The following GABBR2 variants were observed in gnomAD, a reference collection of about 807,000 sequenced individuals.
GABBR2 encodes gamma-aminobutyric acid type B receptor subunit 2.
GABBR2 carries 23 observed loss-of-function variants against 105.6 expected under a neutral mutation model. The observed-to-expected ratio is 0.22, with a 90% CI of 0.16 to 0.31. The LOEUF (loss-of-function observed/expected upper bound fraction) is 0.31, where lower values mean the gene tolerates loss of function less well. GABBR2 is among the 10% of genes least tolerant of loss of function. GABBR2 has a pLI of 1.00. For missense variants in GABBR2, 734 were observed against 1,245.5 expected (o/e 0.59, Z 6.18); for synonymous variants, 478 against 499.7 (o/e 0.96, Z 0.58).
intron 13 of GABBR2, among the ~76,000 whole-genome samples, chr9:98,339,129 A>G (rs1831165664): frequency 6.6e-6 from 1 of 152,150 alleles, no homozygotes; most frequent in Non-Finnish European, 1.5e-5. Flanking sequence ...GGAAGGGAAA[A>G]AGAAGGGGTG....
At chr9:98,357,698 C>T (rs952018146) in intron 13 of GABBR2, among the ~76,000 whole-genome samples, 2 of 147,384 alleles carry the variant, frequency 1.4e-5, no homozygotes. Context: ...AAAAACCCCA[C>T]ATCATAGTTT....
intron 4 of GABBR2, among the ~76,000 whole-genome samples, chr9:98,487,645 G>A (rs1049860226): frequency 2.6e-5 from 4 of 151,890 alleles, no homozygotes; most frequent in Non-Finnish European, 4.4e-5. Flanking sequence ...GAGTATGGTG[G>A]TGCATGCCTG....
chr9:98,456,106 C>T (rs1826321572), intron 6 of GABBR2, among the ~76,000 whole-genome samples: 1 of 152,126 alleles, frequency 6.6e-6, no homozygotes, highest in African/African-American at 2.4e-5. Context: ...CATTCCTCCA[C>T]CCGCCCACAC....
chr9:98,396,270 C>T (rs1832288788), intron 8 of GABBR2, among the ~76,000 whole-genome samples: 1 of 152,232 alleles, frequency 6.6e-6, no homozygotes, highest in Non-Finnish European at 1.5e-5. Context: ...TCCAGAGCTG[C>T]AGACCCTGGC....
chr9:98,447,819 G>T lies in GABBR2; in HGVS notation c.1236+6162C>A, dbSNP rs1588166424. Among the ~76,000 whole-genome samples, 5 of 151,778 alleles carry T rather than the reference G, an allele frequency of 3.3e-5. No homozygotes were observed. The South Asian group carries it at 1.0e-3, about 32-fold the overall frequency. On this transcript the variant is annotated intron_variant, in intron 7 of 18. Coordinates refer to ENST00000259455, the MANE Select transcript of GABBR2 (RefSeq NM_005458.8). The stretch of plus-strand genomic sequence containing the variant: ...AGGTAAAAAGTTGGTAGGGTGGGTG[G>T]TGGGGTGGTGACTTGTCTAGGGGGT...
At chr9:98,645,198 C>G (rs534623946) in intron 1 of GABBR2, among the ~76,000 whole-genome samples, 2 of 152,294 alleles carry the variant, frequency 1.3e-5, no homozygotes, top group South Asian at 2.1e-4. Context: ...CCTCACCAGA[C>G]TCAGGCAAGC....
intron 1 of GABBR2, among the ~76,000 whole-genome samples, chr9:98,665,643 G>C (rs995011217): frequency 6.6e-6 from 1 of 152,154 alleles, no homozygotes; most frequent in African/African-American, 2.4e-5. Flanking sequence ...TAGGGTTCTG[G>C]AGCAAGGCCA....
chr9:98,466,479 T>A (rs977471019), intron 6 of GABBR2, among the ~76,000 whole-genome samples: 1 of 152,228 alleles, frequency 6.6e-6, no homozygotes. Context: ...AATCCTTCCA[T>A]TGCTCCTCAT....
At chr9:98,678,018 G>T (rs76736582) in intron 1 of GABBR2, among the ~76,000 whole-genome samples, 1 of 152,048 alleles carries the variant, frequency 6.6e-6, no homozygotes, top group Non-Finnish European at 1.5e-5. Flanking sequence ...TGCATTGTCT[G>T]TCTCCTTTAT....
At chr9:98,613,724 G>A (rs1829541540) in intron 1 of GABBR2, among the ~76,000 whole-genome samples, 1 of 152,320 alleles carries the variant, frequency 6.6e-6, no homozygotes, top group East Asian at 1.9e-4. Flanking sequence ...AAAAGTGAGA[G>A]GAAAACAGAG....
At chr9:98,341,470 C>T (rs1831212537) in intron 13 of GABBR2, among the ~76,000 whole-genome samples, 1 of 152,184 alleles carries the variant, frequency 6.6e-6, no homozygotes, top group Non-Finnish European at 1.5e-5. Flanking sequence ...AGCCTAAATA[C>T]AACAGGACAG....
intron 3 of GABBR2, among the ~76,000 whole-genome samples, chr9:98,511,750 T>C (rs1313719052): frequency 6.6e-6 from 1 of 152,134 alleles, no homozygotes; most frequent in Admixed American, 6.5e-5. Context: ...GGCTCTGAAA[T>C]TGAGGCAATA....
At chr9:98,482,014 C>T (rs2151212) in intron 4 of GABBR2, among the ~76,000 whole-genome samples, 36,124 of 151,982 alleles carry the variant, frequency 0.24, 4,752 homozygotes, top group East Asian at 0.52. Context: ...TGAAAGAGAA[C>T]GGGTGGGGCG....
intron 7 of GABBR2, among the ~76,000 whole-genome samples, chr9:98,411,066 T>C (rs544828615): frequency 7.2e-5 from 11 of 152,128 alleles, no homozygotes; most frequent in African/African-American, 2.6e-4. Flanking sequence ...TTCCAAGGAG[T>C]TTATAAGAAT....
At chr9:98,549,590 C>T (rs1015185615) in intron 2 of GABBR2, among the ~76,000 whole-genome samples, 7 of 152,196 alleles carry the variant, frequency 4.6e-5, no homozygotes, top group Non-Finnish European at 7.3e-5. Context: ...TGTGGTGGTG[C>T]TGCCATGCCC....
At chr9:98,297,095 C>T (rs1830394113) in intron 17 of GABBR2, among the ~76,000 whole-genome samples, 1 of 151,966 alleles carries the variant, frequency 6.6e-6, no homozygotes, top group Admixed American at 6.6e-5. Flanking sequence ...CCTTATTCTC[C>T]TCCAGATGCC....
intron 2 of GABBR2, among the ~76,000 whole-genome samples, chr9:98,570,463 C>T (rs545476926): frequency 2.0e-5 from 3 of 152,316 alleles, no homozygotes; most frequent in Non-Finnish European, 2.9e-5. Context: ...GCTGAAGCTG[C>T]GATAATCTCA....
chr9:98,514,065 T>C (rs1395034541), intron 3 of GABBR2, among the ~76,000 whole-genome samples: 9 of 149,570 alleles, frequency 6.0e-5, no homozygotes, highest in Non-Finnish European at 1.2e-4. Context: ...CATGGAATAC[T>C]ATGCAGCTAT....
At chr9:98,295,676 C>A (rs1000243074) in intron 17 of GABBR2, among the ~76,000 whole-genome samples, 3 of 152,144 alleles carry the variant, frequency 2.0e-5, no homozygotes, top group Non-Finnish European at 4.4e-5. Flanking sequence ...CAGGCACGTG[C>A]TACCATGCCC....
Sources: allele counts gnomAD v4.1 joint callset (sites outside exome capture counted in the v4.1 genomes callset), GRCh38; gene constraint gnomAD v4.1.1; transcripts MANE v1.5; gene names NCBI Gene and HGNC (gene_info 2026-07-23, HGNC 2026-07-21).